The following SLC3A2 variants were observed in gnomAD, a reference collection of about 807,000 sequenced individuals.
SLC3A2 encodes the protein amino acid transporter heavy chain SLC3A2.
A neutral mutation model predicts 48.5 loss-of-function variants in SLC3A2; 32 were observed. The ratio of observed to expected loss-of-function variants is 0.66; its 90% CI spans 0.50 to 0.89. SLC3A2 has a LOEUF of 0.89. SLC3A2 is among the 40% of genes least tolerant of loss of function. SLC3A2 has a pLI of 0.00. For synonymous variants in SLC3A2, 277 were observed against 288.8 expected, an observed-to-expected ratio of 0.96 and a Z score of 0.41; for missense variants, 587 against 680.7, an observed-to-expected ratio of 0.86 and a Z score of 1.53.
intron 1 of SLC3A2, among the ~76,000 whole-genome samples, chr11:62,874,309 CA>C (rs1243095082): frequency 6.6e-6 from 1 of 151,964 alleles, no homozygotes; most frequent in Admixed American, 6.6e-5. Flanking sequence ...GTCATTAATC[CA>C]AGGATAATAT....
chr11:62,860,788 G>T (rs780580490), intron 1 of SLC3A2, among the ~76,000 whole-genome samples: 1 of 152,190 alleles, frequency 6.6e-6, no homozygotes, highest in Non-Finnish European at 1.5e-5. Context: ...GCGGCCTTCC[G>T]CAGTGCACTG....
At chr11:62,877,110 C>T (rs1384565635), upstream of SLC3A2, among the ~76,000 whole-genome samples, 1 of 141,284 alleles carries the variant, frequency 7.1e-6, no homozygotes, top group Non-Finnish European at 1.5e-5. Context: ...GTCCAGGTTG[C>T]AGTACAGTGG....
intron 1 of SLC3A2, among the ~76,000 whole-genome samples, chr11:62,863,499 G>A (rs1320725833): frequency 6.6e-6 from 1 of 152,184 alleles, no homozygotes; most frequent in African/African-American, 2.4e-5. Context: ...CACTATACCT[G>A]GCCCAACATA....
chr11:62,883,707 C>A (rs918998416), intron 3 of SLC3A2: 6 of 263,938 alleles, frequency 2.3e-5, no homozygotes, highest in African/African-American at 1.3e-4. Flanking sequence ...TACTAGGGGA[C>A]CCTTTAAAAG....
At position 62,888,535 on chromosome 11, in the gene SLC3A2, C is replaced by T; in HGVS notation, c.1432C>T (p.Gln478Ter). 6.2e-7 allele frequency: 1 copy of T among 1,614,182 alleles called. No homozygotes were observed. The highest frequency in any genetic ancestry group is 8.5e-7 in the Non-Finnish European group (1 of 1,180,034). ...GGATGTGGGCCTCTCGGCTGGACTG[C>T]AGGCCTCCGACCTGCCTGCCAGCGC... ...FGDVGLSAGLQASDLPASASL... is the reference protein window; with the variant it reads ...FGDVGLSAGL Residue 478 changes from glutamine (Q) to a stop codon, truncating the protein, a stop_gained, in exon 9 of 9, where the codon CAG becomes TAG. Transcript: ENST00000338663. LOFTEE classifies it low-confidence loss of function (END_TRUNC).
At chr11:62,876,668 C>G (rs1338839499), upstream of SLC3A2, 1 of 154,760 alleles carries the variant, frequency 6.5e-6, no homozygotes, top group East Asian at 1.9e-4. Flanking sequence ...ATGGCGCGAT[C>G]TTGGCTCACT....
upstream of SLC3A2, among the ~76,000 whole-genome samples, chr11:62,878,311 G>A (rs1419365237): frequency 1.3e-5 from 2 of 152,156 alleles, no homozygotes; most frequent in African/African-American, 4.8e-5. Context: ...TTTAGAGACA[G>A]GGTCTCGCTC....
At chr11:62,865,217 G>T (rs1489054314) in intron 1 of SLC3A2, among the ~76,000 whole-genome samples, 3 of 152,062 alleles carry the variant, frequency 2.0e-5, no homozygotes, top group Non-Finnish European at 2.9e-5. Flanking sequence ...GCATCCTTTC[G>T]TAGGGATTTG....
chr11:62,882,087 A>C, intron 2 of SLC3A2, 21 bp downstream of exon 2: 1 of 1,613,862 alleles, frequency 6.2e-7, no homozygotes, highest in Non-Finnish European at 8.5e-7. Context: ...TGGGGTTCCC[A>C]AGGAAACAGC....
chr11:62,883,447 T>A (rs1349548316), intron 3 of SLC3A2: 2 of 192,878 alleles, frequency 1.0e-5, no homozygotes, highest in African/African-American at 4.6e-5. Flanking sequence ...GTTTTCTAAT[T>A]CTCTGTATAA....
chr11:62,880,828 C>A, upstream of SLC3A2: 2 of 1,244,292 alleles, frequency 1.6e-6, no homozygotes, highest in Non-Finnish European at 1.1e-6. Flanking sequence ...CCCCGAGGTT[C>A]CACCTTAAGG....
At position 62,884,689 on chromosome 11, in the gene SLC3A2, A is replaced by G. The variant is rs751983083; in HGVS notation, c.817A>G (p.Arg273Gly). The change falls in exon 5 of 9, where the codon AGG becomes GGG. Residue 273 changes from arginine (R) to glycine (G), a missense_variant and splice_region_variant. Physicochemically the swap from Arg to Gly is moderately radical, Grantham distance 125. Around this residue, in one of 3 missense-constraint regions of SLC3A2, gnomAD observed 409 missense variants for 446.7 expected, o/e 0.92. Coordinates refer to ENST00000338663, the MANE Select transcript of SLC3A2 (RefSeq NM_001013251.3). ...TATCACCAAGGGCTTCAGTGAAGAC[A>G]GGTGGGTGCAGGAGCCATTCTGCTG... ...QNITKGFSED[R>G]LLIAGTNSSD... 9 of 1,599,090 alleles carry G rather than the reference A, an allele frequency of 5.6e-6. No individual in the cohort carries two copies. The African/African-American group carries it at 9.4e-5, about 17-fold the overall frequency.
At chr11:62,885,110 C>T (rs1411588150) in intron 5 of SLC3A2, 67 bp from the exon 6 acceptor site, 21 of 1,549,980 alleles carry the variant, frequency 1.4e-5, no homozygotes, top group South Asian at 9.5e-5. Flanking sequence ...GGATTACAGG[C>T]GTGAGCCACT....
Position 62,888,694 on chromosome 11 carries a change from C to T in SLC3A2, c.*1C>T. 6.3e-7 allele frequency: 1 copy of T among 1,586,612 alleles called. No individual in the cohort carries two copies. The highest frequency in any genetic ancestry group is 1.3e-5 in the African/African-American group (1 of 74,792). ...GCTCCGCTTCCCCTACGCGGCCTGACTTCAGCCTGACATGGACCCACTACC... is the reference window on the plus strand; with the variant it reads ...GCTCCGCTTCCCCTACGCGGCCTGATTTCAGCCTGACATGGACCCACTACC... On this transcript the variant is annotated 3_prime_UTR_variant, in exon 9 of 9. Coordinates refer to ENST00000338663, the MANE Select transcript of SLC3A2 (RefSeq NM_001013251.3).
rs1263136709 is a variant in SLC3A2, at chr11:62,888,663, G to A, written c.1560G>A (p.Gly520=). ...GCCTGAAACTGGAGCCTCACGAAGG[G>A]CTGCTGCTCCGCTTCCCCTACGCGG... ...LERLKLEPHE[G]LLLRFPYAA Residue 520 remains glycine (G), a synonymous_variant, in exon 9 of 9, where the codon GGG becomes GGA. Transcript: ENST00000338663. The A allele has an allele frequency of 6.2e-7, 1 of 1,601,438 alleles. No individual in the cohort carries two copies. The highest frequency in any genetic ancestry group is 1.7e-5 in the Admixed American group (1 of 59,942).
intron 1 of SLC3A2, among the ~76,000 whole-genome samples, chr11:62,873,488 C>G (rs1377074247): frequency 7.8e-6 from 1 of 128,668 alleles, no homozygotes; most frequent in Non-Finnish European, 1.7e-5. Flanking sequence ...AACTCTGTCT[C>G]AAAAAAAAAA....
chr11:62,883,284 C>T, intron 3 of SLC3A2: 1 of 382,654 alleles, frequency 2.6e-6, no homozygotes, highest in Non-Finnish European at 4.9e-6. Context: ...ATTTTTCTTT[C>T]TTTTGGGAGA....
rs1315299354 is a variant in SLC3A2 at position 62,884,473 on chromosome 11, G to C, written c.707G>C (p.Trp236Ser). 1 of 1,614,064 alleles carries C rather than the reference G, an allele frequency of 6.2e-7. No individual in the cohort carries two copies. Among genetic ancestry groups the C allele is most frequent in the Non-Finnish European group, 8.5e-7 (1 of 1,180,038 alleles). Residue 236 changes from tryptophan (W) to serine (S), a missense_variant, in exon 4 of 9, where the codon TGG (tryptophan) becomes TCG (serine). By Grantham distance (177) the Trp-to-Ser change is radical. Around this residue, in one of 3 missense-constraint regions of SLC3A2, gnomAD observed 409 missense variants for 446.7 expected, o/e 0.92. Coordinates refer to ENST00000338663, the MANE Select transcript of SLC3A2 (RefSeq NM_001013251.3). Reference protein sequence around the residue: ...ATKVKDALEFWLQAGVDGFQV... With the variant: ...ATKVKDALEFSLQAGVDGFQV... ...CCCCTATAGGATGCTCTGGAGTTTT[G>C]GCTGCAAGCTGGCGTGGATGGGTTC...
chr11:62,866,552 A>C (rs1377750016), intron 1 of SLC3A2, among the ~76,000 whole-genome samples: 1 of 151,330 alleles, frequency 6.6e-6, no homozygotes, highest in African/African-American at 2.4e-5. Flanking sequence ...TGTGCCACCA[A>C]ACCTGGCTAA....
Sources: gnomAD v4.1 joint callset for allele counts (sites outside exome capture counted in the v4.1 genomes callset) on GRCh38, gnomAD v4.1.1 for gene constraint, gnomAD v4.1.1 regional missense constraint, MANE v1.5 for transcripts, NCBI Gene and HGNC (gene_info 2026-07-23, HGNC 2026-07-21) for gene names.